ZFP28: variants seen among roughly 807,000 people sequenced by gnomAD.
The protein encoded by ZFP28 is ZFP28 zinc finger protein, also known as zinc finger protein 28 homolog.
A neutral mutation model predicts 39.5 loss-of-function variants in ZFP28; 31 were observed. That is an observed-to-expected ratio of 0.79 (90% CI 0.59 to 1.06). The LOEUF (loss-of-function observed/expected upper bound fraction) is 1.06. Ranked by LOEUF, ZFP28 falls within the 50% of genes least tolerant of loss-of-function variation. The pLI is 0.00. For synonymous variants in ZFP28, 400 were observed against 378.6 expected (o/e 1.06, Z -0.66); for missense variants, 925 against 1,048.4 (o/e 0.88, Z 1.63).
intron 7 of ZFP28, 180 bp downstream of exon 7, chr19:56,550,785 C>G (rs2044294176): frequency 6.6e-7 from 1 of 1,521,930 alleles, no homozygotes; most frequent in South Asian, 1.2e-5. Context: ...GCCCCCTTCT[C>G]TCCAGTAACT....
chr19:56,546,220 T>C (rs1384770396), intron 2 of ZFP28: 2 of 152,206 alleles, frequency 1.3e-5, no homozygotes, highest in East Asian at 3.8e-4. Context: ...GCTTTTGGGG[T>C]AGTCCAACTG....
Position 56,539,070 on chromosome 19 carries a change from A to G in ZFP28, c.52A>G (p.Arg18Gly). The change falls in exon 1 of 8, where the codon AGA (arginine) becomes GGA (glycine). Residue 18 changes from arginine to glycine, a missense_variant. By Grantham distance (125) the Arg-to-Gly change is moderately radical (BLOSUM62 -2). Coordinates refer to ENST00000301318, the MANE Select transcript of ZFP28 (RefSeq NM_020828.2). Reference sequence around the variant, plus strand: ...CCGCGAGCCGACGCCGCTCCCGGGTAGAGGCGCCCCCCGCACAAAGCCCCG... The same window carrying G: ...CCGCGAGCCGACGCCGCTCCCGGGTGGAGGCGCCCCCCGCACAAAGCCCCG... ...SVREPTPLPGRGAPRTKPRAG... is the reference protein window; with the variant it reads ...SVREPTPLPGGGAPRTKPRAG... The G allele has an allele frequency of 6.6e-7, 1 of 1,523,506 alleles. No individual in the cohort carries two copies. The highest frequency in any genetic ancestry group is 1.2e-5 in the South Asian group (1 of 83,052). 94.4% of individuals were successfully genotyped at this position (1,523,506 alleles called of 1,614,324 possible). A position where few individuals can be genotyped will look rare whatever the true frequency, so the allele number is the denominator to read the frequency against.
chr19:56,540,746 G>T (rs1032170425), intron 2 of ZFP28, among the ~76,000 whole-genome samples: 2 of 152,150 alleles, frequency 1.3e-5, no homozygotes, highest in African/African-American at 4.8e-5. Context: ...ATATGTAAAT[G>T]AATGGATGGG....
chr19:56,556,414 T>C lies in ZFP28; in HGVS notation c.*1022T>C, dbSNP rs1407136555. 1 of 152,166 alleles carries C rather than the reference T, an allele frequency of 6.6e-6. No homozygotes were observed. The highest frequency in any genetic ancestry group is 1.5e-5 in the Non-Finnish European group (1 of 68,030). The allele number at this position is 152,166 out of a possible 1,614,324, so 9.4% of individuals were successfully genotyped here. A position where few individuals can be genotyped will look rare whatever the true frequency, so the allele number is the denominator to read the frequency against. On this transcript the variant is annotated 3_prime_UTR_variant, in exon 8 of 8. Coordinates refer to ENST00000301318, the MANE Select transcript of ZFP28 (RefSeq NM_020828.2). ...GATCCTACACAGAAAATGTGTGTGA[T>C]CCCTGCTATGGAGCAGAGGTTATCA...
chr19:56,538,947 G>C, upstream of ZFP28: 1 of 1,204,878 alleles, frequency 8.3e-7, no homozygotes, highest in South Asian at 3.5e-5. Context: ...GCTGGGCGTG[G>C]CGGGCGGGTG....
chr19:56,538,912 T>A (rs1259842206), upstream of ZFP28: 3 of 801,762 alleles, frequency 3.7e-6, no homozygotes, highest in Non-Finnish European at 4.5e-6. Flanking sequence ...TGCCGGGCCA[T>A]GGGGGAGCGC....
chr19:56,543,319 TTATA>T (rs1186177620), intron 2 of ZFP28, among the ~76,000 whole-genome samples: 1 of 147,786 alleles, frequency 6.8e-6, no homozygotes, highest in Non-Finnish European at 1.5e-5. Context: ...GTGCGTGTGT[TTATA>T]TATTATATAG....
chr19:56,537,813 G>C (rs2044147776), upstream of ZFP28: 2 of 152,298 alleles, frequency 1.3e-5, no homozygotes, highest in Admixed American at 1.3e-4. Flanking sequence ...GTGCATCTGT[G>C]ATGACTGGTG....
rs780842223 is a variant in ZFP28, at chr19:56,550,102, C to A, written c.723C>A (p.Phe241Leu). 6.2e-7 allele frequency: 1 copy of A among 1,612,894 alleles called. No individual in the cohort carries two copies. Among genetic ancestry groups the A allele is most frequent in the African/African-American group, 1.3e-5 (1 of 74,896 alleles). The change falls in exon 6 of 8, where the codon TTC becomes TTA. Residue 241 changes from phenylalanine (F) to leucine (L), a missense_variant. By Grantham distance (22) the Phe-to-Leu change is conservative. Coordinates refer to ENST00000301318, the MANE Select transcript of ZFP28 (RefSeq NM_020828.2). ...CTATCAAAAACCTGGCTGTTGACTT[C>A]CGCCAGCAGCTACACCCAGCTCAGA... ...LVTIKNLAVD[F>L]RQQLHPAQKN...
At position 56,539,630 on chromosome 19, in the gene ZFP28, C is replaced by T. The variant is rs1043700336; in HGVS notation, c.214C>T (p.Pro72Ser). The change falls in exon 2 of 8, where the codon CCT becomes TCT. Residue 72 changes from proline to serine, a missense_variant. Transcript: ENST00000301318. ...APTGPGHRAL[P>S]SRDTALPQER... Reference sequence around the variant, plus strand: ...GCTACTCCTTTCTCTTTCAGCTCTGCCTTCCAGGGACACTGCTCTTCCCCA... The same window carrying T: ...GCTACTCCTTTCTCTTTCAGCTCTGTCTTCCAGGGACACTGCTCTTCCCCA... 8 of 1,613,838 alleles carry T rather than the reference C, an allele frequency of 5.0e-6. No individual in the cohort carries two copies. In the Admixed American group the frequency reaches 1.0e-4, roughly 20 times the overall value.
At chr19:56,541,835 T>C (rs142212811) in intron 2 of ZFP28, among the ~76,000 whole-genome samples, 1 of 149,654 alleles carries the variant, frequency 6.7e-6, no homozygotes, top group African/African-American at 2.5e-5. Context: ...GTTGAAATGA[T>C]TCTCCTTCCT....
At chr19:56,550,692 A>G (rs780078345) in intron 7 of ZFP28, 87 bp downstream of exon 7, 13 of 1,601,808 alleles carry the variant, frequency 8.1e-6, no homozygotes, top group Middle Eastern at 1.6e-4. Flanking sequence ...ACTAATATAC[A>G]GTAGGAAACT....
At position 56,547,663 on chromosome 19, in the gene ZFP28, C is replaced by G. The variant is rs751232799; in HGVS notation, c.427+29C>G. ...AGGGCTCCCACCCCTTTTCCCACCC[C>G]TCACCCTACCCACGTCCTGGACTAA... On this transcript the variant is annotated intron_variant, in intron 3 of 7. Transcript: ENST00000301318. The surrounding 1 kb of genome is among the most constrained non-coding windows in gnomAD (Gnocchi z 4.6). 1 of 1,594,396 alleles carries G rather than the reference C, an allele frequency of 6.3e-7. No homozygotes were observed. Among genetic ancestry groups the G allele is most frequent in the South Asian group, 1.1e-5 (1 of 87,242 alleles).
intron 2 of ZFP28, chr19:56,546,234 C>G (rs564063291): frequency 2.6e-5 from 4 of 152,182 alleles, no homozygotes; most frequent in Admixed American, 1.3e-4. Flanking sequence ...CCAACTGTTT[C>G]GCATGTTCAT....
chr19:56,545,580 A>G (rs991952448), intron 2 of ZFP28: 7 of 152,192 alleles, frequency 4.6e-5, no homozygotes, highest in African/African-American at 1.2e-4. Context: ...CAGAATGGCA[A>G]AAAGATTGTT....
Position 56,555,083 on chromosome 19 carries a change from T to C in ZFP28, c.2298T>C (p.Phe766=), listed in dbSNP as rs769242226. 4 of 1,614,098 alleles carry C rather than the reference T, an allele frequency of 2.5e-6. No homozygotes were observed. In the South Asian group the frequency reaches 3.3e-5, roughly 13 times the overall value. The change falls in exon 8 of 8, where the codon TTT becomes TTC. Residue 766 remains phenylalanine, a synonymous_variant. Coordinates refer to ENST00000301318, the MANE Select transcript of ZFP28 (RefSeq NM_020828.2). ...PYECSVCGKA[F]SHRQSLSVHQ... ...AATGCAGTGTGTGTGGCAAAGCCTT[T>C]AGTCATCGTCAATCCCTTAGTGTAC...
Position 56,547,567 on chromosome 19 carries a change from G to A in ZFP28, c.360G>A (p.Leu120=), listed in dbSNP as rs781482475. 6.2e-7 allele frequency: 1 copy of A among 1,614,064 alleles called. No homozygotes were observed. Among genetic ancestry groups the A allele is most frequent in the East Asian group, 2.2e-5 (1 of 44,872 alleles). Residue 120 remains leucine, a synonymous_variant, in exon 3 of 8, where the codon CTG becomes CTA. Coordinates refer to ENST00000301318, the MANE Select transcript of ZFP28 (RefSeq NM_020828.2). The surrounding 1 kb of genome is among the most constrained non-coding windows in gnomAD (Gnocchi z 4.6). The stretch of plus-strand genomic sequence containing the variant: ...TCTCCCAAGAGGAGTGGGAGTGGCT[G>A]AACCCCATTCAGAGGAACTTGTACA... ...VDFSQEEWEW[L]NPIQRNLYRK...
rs139474494 is a variant in ZFP28 at position 56,547,535 on chromosome 19, G to A, written c.328G>A (p.Val110Ile). ...CTTGGTGACATTTGGGGATGTGGCT[G>A]TAGATTTCTCCCAAGAGGAGTGGGA... is the stretch of plus-strand genomic sequence containing the variant. ...QGLVTFGDVA[V>I]DFSQEEWEWL... The change falls in exon 3 of 8, where the codon GTA becomes ATA. Residue 110 changes from valine (V) to isoleucine (I), a missense_variant. Coordinates refer to ENST00000301318, the MANE Select transcript of ZFP28 (RefSeq NM_020828.2). The surrounding 1 kb of genome is among the most constrained non-coding windows in gnomAD (Gnocchi z 4.6). 3 of 1,614,204 alleles carry A rather than the reference G, an allele frequency of 1.9e-6. No individual in the cohort carries two copies. Among genetic ancestry groups the A allele is most frequent in the African/African-American group, 1.3e-5 (1 of 75,054 alleles).
intron 7 of ZFP28, 47 bp from the exon 8 acceptor site, chr19:56,553,637 T>C: frequency 6.6e-7 from 1 of 1,523,362 alleles, no homozygotes; most frequent in South Asian, 1.3e-5. Context: ...GATTCCTTTT[T>C]CCTAGCACAC....
Sources: allele counts gnomAD v4.1 joint callset (sites outside exome capture counted in the v4.1 genomes callset), GRCh38; gene constraint gnomAD v4.1.1; non-coding constraint Gnocchi (gnomAD v3.1); transcripts MANE v1.5; gene names NCBI Gene and HGNC (gene_info 2026-07-23, HGNC 2026-07-21).